The following CDH12 variants were observed in gnomAD, a reference collection of about 807,000 sequenced individuals.
CDH12 encodes the protein cadherin-12.
Under a neutral mutation model 74.1 loss-of-function variants are expected in CDH12, and 41 were observed. The observed-to-expected ratio is 0.55, with a 90% CI of 0.43 to 0.72. The LOEUF (loss-of-function observed/expected upper bound fraction) is 0.72, where lower values mean the gene tolerates loss of function less well. CDH12 is among the 30% of genes least tolerant of loss of function. The pLI, the probability that CDH12 is intolerant of heterozygous loss-of-function variation, is 0.00. For synonymous variants in CDH12, 399 were observed against 355.0 expected, an observed-to-expected ratio of 1.12 and a Z score of -1.39; for missense variants, 945 against 977.2, an observed-to-expected ratio of 0.97 and a Z score of 0.44.
At chr5:22,751,869 C>T (rs1745593494) in intron 1 of CDH12, among the ~76,000 whole-genome samples, 2 of 152,140 alleles carry the variant, frequency 1.3e-5, no homozygotes, top group Non-Finnish European at 2.9e-5. Flanking sequence ...TGAATATAAA[C>T]ATTATATAAC....
In CDH12 at chr5:21,978,243, G is replaced by A. The variant is rs1757151923; in HGVS notation, c.232-2858C>T. 3.3e-5 allele frequency among the ~76,000 whole-genome samples: 5 copies of A among 152,070 alleles called. 1 individual carries two copies. The South Asian group carries it at 1.0e-3, about 32-fold the overall frequency. On this transcript the variant is annotated intron_variant, in intron 5 of 14. Transcript: ENST00000382254. The stretch of plus-strand genomic sequence containing the variant: ...TGCAACCTCCACCTCTCGGGTTCAA[G>A]CAATTCTCCTGCCTCAGCCTCCAGA...
At chr5:22,381,054 C>A (rs114306507) in intron 3 of CDH12, among the ~76,000 whole-genome samples, 1 of 151,820 alleles carries the variant, frequency 6.6e-6, no homozygotes, top group African/African-American at 2.4e-5. Flanking sequence ...AAACAAATTA[C>A]GACAATGTTT....
chr5:22,574,420 A>C (rs1055890248), intron 1 of CDH12, among the ~76,000 whole-genome samples: 26 of 152,028 alleles, frequency 1.7e-4, no homozygotes, highest in Non-Finnish European at 3.5e-4. Flanking sequence ...TTCACGTACC[A>C]TAACACTCCC....
intron 1 of CDH12, among the ~76,000 whole-genome samples, chr5:22,851,451 C>T (rs1306384760): frequency 1.3e-5 from 2 of 151,922 alleles, no homozygotes; most frequent in East Asian, 1.9e-4. Flanking sequence ...TTAACAATGC[C>T]AGGGCTAATC....
intron 2 of CDH12, among the ~76,000 whole-genome samples, chr5:22,491,535 T>C (rs1347582591): frequency 7.2e-6 from 1 of 139,334 alleles, no homozygotes; most frequent in African/African-American, 2.7e-5. Context: ...TCTGTCAGCA[T>C]CCCTGGGCCA....
chr5:21,764,499 A>C (rs961488765), intron 12 of CDH12, among the ~76,000 whole-genome samples: 11 of 151,670 alleles, frequency 7.3e-5, no homozygotes, highest in African/African-American at 2.7e-4. Flanking sequence ...AATACAAAAA[A>C]TTAGCTGGGC....
intron 3 of CDH12, among the ~76,000 whole-genome samples, chr5:22,355,526 ATAT>A (rs1740528694): frequency 3.7e-5 from 1 of 26,728 alleles, no homozygotes; most frequent in African/African-American, 6.8e-5. Flanking sequence ...AAAAAAAAAT[ATAT>A]ATATATATAT....
At chr5:22,194,274 CCCCACTATTCTTT>C (rs1750481002) in intron 4 of CDH12, among the ~76,000 whole-genome samples, 1 of 151,766 alleles carries the variant, frequency 6.6e-6, no homozygotes, top group Middle Eastern at 3.4e-3. Context: ...AACCTACCTC[CCCCACTATTCTTT>C]CTTTACTTTT....
At chr5:22,786,778 G>A (rs1247506639) in intron 1 of CDH12, among the ~76,000 whole-genome samples, 1 of 151,568 alleles carries the variant, frequency 6.6e-6, no homozygotes, top group Non-Finnish European at 1.5e-5. Flanking sequence ...GAGTGTAATG[G>A]CGTGATCTCA....
intron 4 of CDH12, among the ~76,000 whole-genome samples, chr5:22,124,249 G>A (rs1257300205): frequency 2.0e-5 from 3 of 151,960 alleles, no homozygotes; most frequent in South Asian, 2.1e-4. Flanking sequence ...TCAGCCTCTC[G>A]GGTAGCTGGG....
chr5:22,811,741 T>A (rs1215451041), intron 1 of CDH12, among the ~76,000 whole-genome samples: 1 of 152,118 alleles, frequency 6.6e-6, no homozygotes, highest in African/African-American at 2.4e-5. Context: ...CAGGATTGTG[T>A]AAACTTTCTG....
chr5:22,747,237 T>C (rs953115978), intron 1 of CDH12, among the ~76,000 whole-genome samples: 5 of 152,112 alleles, frequency 3.3e-5, no homozygotes, highest in East Asian at 1.9e-4. Context: ...CTATAATCAA[T>C]AACATGTGAT....
intron 3 of CDH12, among the ~76,000 whole-genome samples, chr5:22,260,437 A>G (rs953926214): frequency 2.0e-5 from 3 of 152,110 alleles, no homozygotes; most frequent in African/African-American, 7.2e-5. Context: ...AACTTGGTCA[A>G]CACCAACTGC....
intron 4 of CDH12, among the ~76,000 whole-genome samples, chr5:22,147,505 A>G (rs192888315): frequency 6.8e-4 from 103 of 152,162 alleles, no homozygotes; most frequent in African/African-American, 2.3e-3. Context: ...TAATTAATTA[A>G]TCCCTAATCT....
At chr5:22,512,002 T>C (rs1214656110) in intron 1 of CDH12, among the ~76,000 whole-genome samples, 1 of 151,968 alleles carries the variant, frequency 6.6e-6, no homozygotes, top group Non-Finnish European at 1.5e-5. Context: ...TTGTTGAGCA[T>C]GTGTGATGTT....
At chr5:22,822,961 T>A (rs1015918964) in intron 1 of CDH12, among the ~76,000 whole-genome samples, 8 of 152,140 alleles carry the variant, frequency 5.3e-5, no homozygotes, top group Admixed American at 2.6e-4. Context: ...CTATTCACAA[T>A]AGCAAAGACT....
At chr5:21,929,170 G>C (rs1754724665) in intron 6 of CDH12, among the ~76,000 whole-genome samples, 1 of 152,046 alleles carries the variant, frequency 6.6e-6, no homozygotes, top group Admixed American at 6.6e-5. Flanking sequence ...TGGCACCAGG[G>C]ACCAGTTTCA....
Position 22,411,850 on chromosome 5 carries a change from C to T in CDH12, c.-427-6499G>A, listed in dbSNP as rs564171404. ...ATTTTTATGAATACTTCAGAGACTA[C>T]CTCATCAATTTCTCTGTTGGCTTGA... On this transcript the variant is annotated intron_variant, in intron 2 of 14. Transcript: ENST00000382254. Among the ~76,000 whole-genome samples, 4 of 152,072 alleles carry T rather than the reference C, an allele frequency of 2.6e-5. No individual in the cohort carries two copies. The South Asian group carries it at 8.3e-4, about 32-fold the overall frequency.
chr5:22,216,859 C>A (rs1751823151), intron 3 of CDH12, among the ~76,000 whole-genome samples: 1 of 151,660 alleles, frequency 6.6e-6, no homozygotes, highest in Non-Finnish European at 1.5e-5. Flanking sequence ...TAACCGAAGC[C>A]ATTTAAAAAG....
Sources: gnomAD v4.1 joint callset for allele counts (sites outside exome capture counted in the v4.1 genomes callset) on GRCh38, gnomAD v4.1.1 for gene constraint, MANE v1.5 for transcripts, NCBI Gene and HGNC (gene_info 2026-07-23, HGNC 2026-07-21) for gene names.